PCDH15: variants seen among roughly 807,000 people sequenced by gnomAD.
PCDH15 encodes protocadherin related 15.
PCDH15 carries 129 observed loss-of-function variants against 178.5 expected under a neutral mutation model. The observed-to-expected ratio is 0.72, with a 90% CI of 0.63 to 0.84. The LOEUF is 0.84. PCDH15 is among the 40% of genes least tolerant of loss of function. The probability of loss-of-function intolerance (pLI) is 0.00; values close to 1 mark genes in which losing one functional copy is unlikely to be tolerated. For synonymous variants in PCDH15, 800 were observed against 732.0 expected (o/e 1.09, Z -1.50); for missense variants, 2,230 against 2,099.9 (o/e 1.06, Z -1.21).
intron 1 of PCDH15, among the ~76,000 whole-genome samples, chr10:55,207,467 C>A (rs1314656769): frequency 6.6e-6 from 1 of 152,050 alleles, no homozygotes; most frequent in East Asian, 1.9e-4. Context: ...CCAGTCAAGC[C>A]TAGAAACTCT....
At chr10:54,148,238 G>C (rs1011495895) in intron 14 of PCDH15, among the ~76,000 whole-genome samples, 17 of 151,848 alleles carry the variant, frequency 1.1e-4, no homozygotes, top group African/African-American at 3.9e-4. Context: ...CTAAGAAGGA[G>C]CCCTTAGCTG....
At chr10:54,004,441 G>T (rs1455726830) in intron 20 of PCDH15, among the ~76,000 whole-genome samples, 2 of 133,356 alleles carry the variant, frequency 1.5e-5, no homozygotes, top group African/African-American at 6.8e-5. Flanking sequence ...CAAAGTATTA[G>T]AACTGATAAA....
At chr10:55,115,294 C>T (rs1042963677) in intron 2 of PCDH15, among the ~76,000 whole-genome samples, 1 of 152,210 alleles carries the variant, frequency 6.6e-6, no homozygotes, top group Non-Finnish European at 1.5e-5. Flanking sequence ...TGCAAGAGAC[C>T]TTAGAAGAAA....
intron 18 of PCDH15, among the ~76,000 whole-genome samples, chr10:54,062,532 C>T (rs1055054133): frequency 6.6e-6 from 1 of 152,018 alleles, no homozygotes; most frequent in Non-Finnish European, 1.5e-5. Flanking sequence ...ATAAACATTA[C>T]ACTGTGCAGA....
chr10:54,072,831 C>T (rs1281923065), intron 17 of PCDH15, among the ~76,000 whole-genome samples: 1 of 152,132 alleles, frequency 6.6e-6, no homozygotes, highest in African/African-American at 2.4e-5. Context: ...GCCATACTAC[C>T]AGCATAAAGG....
In PCDH15 at chr10:53,828,576, GT is replaced by G. The variant is rs779015202; in HGVS notation, c.4203-4del. 24 of 1,550,712 alleles carry G rather than the reference GT, an allele frequency of 1.5e-5. No homozygotes were observed. The highest frequency in any genetic ancestry group is 2.0e-5 in the Non-Finnish European group (22 of 1,123,334). On this transcript the variant is annotated splice_polypyrimidine_tract_variant and splice_region_variant and intron_variant, in intron 30 of 37. Coordinates refer to ENST00000644397, the MANE Select transcript of PCDH15 (RefSeq NM_001384140.1). ...TTAATTATACTTACACTTTAAACCTGTTTGGGAAAGCAAGAGTAAGAAAAAT... is the reference window on the plus strand; with the variant it reads ...TTAATTATACTTACACTTTAAACCTGTTGGGAAAGCAAGAGTAAGAAAAAT...
Position 54,090,068 on chromosome 10 carries a change from A to C in PCDH15, c.1918-5T>G, listed in dbSNP as rs768093851. ...GTCTCCCTCTCGATCAGTTGCCTTC[A>C]GAGAGAAAACATAATTCAATTATCA... On this transcript the variant is annotated splice_region_variant and splice_polypyrimidine_tract_variant and intron_variant, in intron 15 of 37. Coordinates refer to ENST00000644397, the MANE Select transcript of PCDH15 (RefSeq NM_001384140.1). 2 of 1,604,332 alleles carry C rather than the reference A, an allele frequency of 1.2e-6. No individual in the cohort carries two copies. Among genetic ancestry groups the C allele is most frequent in the Non-Finnish European group, 1.7e-6 (2 of 1,171,672 alleles).
chr10:54,378,962 A>G lies in PCDH15; in HGVS notation c.158-20T>C. The G allele has an allele frequency of 6.2e-7, 1 of 1,613,096 alleles. No individual in the cohort carries two copies. The highest frequency in any genetic ancestry group is 1.1e-5 in the South Asian group (1 of 91,076). ...TTGTACCTGCAAACCAAAGAAAGGT[A>G]CTTGAAAACATATTCTACTCATATG... is the stretch of plus-strand genomic sequence containing the variant. On this transcript the variant is annotated intron_variant, in intron 3 of 37. Coordinates refer to ENST00000644397, the MANE Select transcript of PCDH15 (RefSeq NM_001384140.1).
At chr10:54,400,943 TA>T (rs769503531) in intron 3 of PCDH15, among the ~76,000 whole-genome samples, 25 of 151,970 alleles carry the variant, frequency 1.6e-4, no homozygotes, top group Non-Finnish European at 2.5e-4. Flanking sequence ...TAGTTTGTAG[TA>T]AAGGGAACAT....
intron 2 of PCDH15, among the ~76,000 whole-genome samples, chr10:55,121,642 T>C (rs1051767613): frequency 1.3e-5 from 2 of 152,102 alleles, no homozygotes; most frequent in South Asian, 4.1e-4. Flanking sequence ...CAGGAAACAA[T>C]TCATTCATAA....
chr10:53,974,645 G>A (rs2090040701), intron 21 of PCDH15, among the ~76,000 whole-genome samples: 1 of 152,086 alleles, frequency 6.6e-6, no homozygotes, highest in South Asian at 2.1e-4. Flanking sequence ...ATGGGTTATA[G>A]AATATCATAT....
chr10:55,118,739 C>T (rs1410820279), intron 2 of PCDH15, among the ~76,000 whole-genome samples: 2 of 152,164 alleles, frequency 1.3e-5, no homozygotes, highest in Non-Finnish European at 2.9e-5. Context: ...TTAATTGGTT[C>T]CCAGATGATA....
chr10:54,437,983 C>T (rs2075535281), intron 3 of PCDH15, among the ~76,000 whole-genome samples: 2 of 152,112 alleles, frequency 1.3e-5, no homozygotes, highest in African/African-American at 4.8e-5. Context: ...CTAGCAATTT[C>T]CAAACACACT....
intron 2 of PCDH15, chr10:54,607,923 G>A (rs774863278): frequency 2.1e-5 from 11 of 515,872 alleles, no homozygotes; most frequent in Non-Finnish European, 3.9e-5. Context: ...TGAAAGTAAT[G>A]TCAAAAACTG....
chr10:54,227,765 G>A (rs1435182967), intron 9 of PCDH15, among the ~76,000 whole-genome samples: 1 of 152,080 alleles, frequency 6.6e-6, no homozygotes, highest in Non-Finnish European at 1.5e-5. Flanking sequence ...GAATGCTTTT[G>A]CTACTTAGAA....
intron 3 of PCDH15, among the ~76,000 whole-genome samples, chr10:54,881,838 T>C (rs530918077): frequency 5.9e-5 from 9 of 152,292 alleles, no homozygotes; most frequent in African/African-American, 2.2e-4. Context: ...ATTAAAAATA[T>C]ATTTTTGTTT....
chr10:54,780,538 T>C (rs1222509417), intron 1 of PCDH15, among the ~76,000 whole-genome samples: 1 of 152,042 alleles, frequency 6.6e-6, no homozygotes, highest in African/African-American at 2.4e-5. Context: ...TAATTTTCTT[T>C]CACAATCAAC....
intron 13 of PCDH15, among the ~76,000 whole-genome samples, chr10:54,180,268 G>A (rs1197772155): frequency 2.0e-5 from 3 of 152,150 alleles, no homozygotes; most frequent in Non-Finnish European, 4.4e-5. Context: ...AAAGTCAGAA[G>A]CTCAATTTAT....
intron 1 of PCDH15, chr10:55,247,624 T>TA: frequency 6.7e-6 from 1 of 150,288 alleles, no homozygotes; most frequent in South Asian, 2.1e-4. Flanking sequence ...TTTTTTTTTT[T>TA]AAACAAAATA....
Sources: gnomAD v4.1 joint callset for allele counts (sites outside exome capture counted in the v4.1 genomes callset) on GRCh38, gnomAD v4.1.1 for gene constraint, MANE v1.5 for transcripts, NCBI Gene and HGNC (gene_info 2026-07-23, HGNC 2026-07-21) for gene names.